TUSC3: variants seen among roughly 807,000 people sequenced by gnomAD.
TUSC3 encodes the protein tumor suppressor candidate 3.
TUSC3 carries 45 observed loss-of-function variants against 44.8 expected under a neutral mutation model. The ratio of observed to expected loss-of-function variants is 1.00; its 90% CI spans 0.79 to 1.29. TUSC3 has a LOEUF of 1.29. Ranked by LOEUF, TUSC3 falls within the 50% of genes most tolerant of loss-of-function variation. The pLI is 0.00. For synonymous variants in TUSC3, 212 were observed against 152.9 expected (o/e 1.39, Z -2.85); for missense variants, 519 against 437.9 (o/e 1.19, Z -1.65).
intron 1 of TUSC3, among the ~76,000 whole-genome samples, chr8:15,455,372 T>C (rs1488548954): frequency 1.3e-5 from 2 of 152,140 alleles, no homozygotes; most frequent in Non-Finnish European, 2.9e-5. Flanking sequence ...CCATCATGTA[T>C]ATGTATGTAT....
In TUSC3 at chr8:15,446,031, G is replaced by A. The variant is rs113410878; in HGVS notation, n.91+28726G>A. Among the ~76,000 whole-genome samples the A allele has an allele frequency of 1.1e-4, 16 of 150,724 alleles. No individual in the cohort carries two copies. The South Asian group carries it at 1.9e-3, about 18-fold the overall frequency. On this transcript the variant is annotated intron_variant and non_coding_transcript_variant, in intron 1 of 5. Coordinates refer to the TUSC3 transcript ENST00000503191. ...CAGACGGGCCGGCTGCCGGGCGGAG[G>A]GGCTCCTCACTTCTCAGAAGGGGTG...
At chr8:15,429,722 A>G (rs996392828) in intron 1 of TUSC3, among the ~76,000 whole-genome samples, 1 of 151,628 alleles carries the variant, frequency 6.6e-6, no homozygotes, top group Non-Finnish European at 1.5e-5. Flanking sequence ...TAGGTATTTT[A>G]TTCTCTTTGA....
intron 6 of TUSC3, among the ~76,000 whole-genome samples, chr8:15,680,109 T>C (rs1418994381): frequency 3.3e-5 from 5 of 150,866 alleles, no homozygotes; most frequent in Admixed American, 1.3e-4. Flanking sequence ...CTTTTTTTTT[T>C]CTAGTTCTGT....
intron 1 of TUSC3, among the ~76,000 whole-genome samples, chr8:15,445,932 G>T (rs1306047408): frequency 6.6e-6 from 1 of 150,896 alleles, no homozygotes; most frequent in Non-Finnish European, 1.5e-5. Flanking sequence ...TCCGGACGGG[G>T]CGGCTGGCCG....
chr8:15,425,657 G>A (rs1176316799), intron 1 of TUSC3, among the ~76,000 whole-genome samples: 1 of 152,182 alleles, frequency 6.6e-6, no homozygotes, highest in Non-Finnish European at 1.5e-5. Flanking sequence ...GCAGTATGCC[G>A]AGGACCAATG....
At chr8:15,443,861 T>A (rs1800055675) in intron 1 of TUSC3, among the ~76,000 whole-genome samples, 1 of 151,952 alleles carries the variant, frequency 6.6e-6, no homozygotes, top group African/African-American at 2.4e-5. Flanking sequence ...ACGGATAAAC[T>A]GGCTCACCTG....
intron 1 of TUSC3, among the ~76,000 whole-genome samples, chr8:15,417,615 G>C (rs73665404): frequency 2.0e-5 from 3 of 152,224 alleles, no homozygotes; most frequent in African/African-American, 7.2e-5. Flanking sequence ...ACGTTGTAAA[G>C]AAGGAGTTAG....
intron 6 of TUSC3, among the ~76,000 whole-genome samples, chr8:15,697,336 G>C (rs905304931): frequency 6.6e-6 from 1 of 152,088 alleles, no homozygotes. Context: ...GGTTTGGTTT[G>C]TTCTTGTTTC....
chr8:15,810,692 A>G, the TUSC3 span, among the ~76,000 whole-genome samples: 1 of 152,108 alleles, frequency 6.6e-6, no homozygotes, highest in Non-Finnish European at 1.5e-5. Context: ...CCCCAAATAT[A>G]TTTCTTTGAC....
chr8:15,478,562 A>G (rs941817483), intron 1 of TUSC3, among the ~76,000 whole-genome samples: 5 of 152,172 alleles, frequency 3.3e-5, no homozygotes, highest in African/African-American at 1.2e-4. Flanking sequence ...TTTGCTGAGG[A>G]CAATGGCTTC....
intron 1 of TUSC3, among the ~76,000 whole-genome samples, chr8:15,569,992 G>C (rs1802812228): frequency 6.6e-6 from 1 of 151,844 alleles, no homozygotes; most frequent in Non-Finnish European, 1.5e-5. Context: ...AAAATAAATA[G>C]GTTTATTTGT....
intron 1 of TUSC3, among the ~76,000 whole-genome samples, chr8:15,465,433 C>G (rs899223043): frequency 1.3e-5 from 2 of 152,146 alleles, no homozygotes; most frequent in African/African-American, 4.8e-5. Flanking sequence ...GGTCCACAAT[C>G]TCATGAAGAA....
intron 2 of TUSC3, among the ~76,000 whole-genome samples, chr8:15,642,866 A>G (rs1480836567): frequency 2.0e-5 from 3 of 152,204 alleles, no homozygotes; most frequent in African/African-American, 7.2e-5. Context: ...ACCTCTTCCA[A>G]ACATTGAATT....
intron 1 of TUSC3, among the ~76,000 whole-genome samples, chr8:15,568,889 C>G (rs1402936845): frequency 6.7e-6 from 1 of 149,240 alleles, no homozygotes; most frequent in East Asian, 2.0e-4. Context: ...TTTTTTTTTC[C>G]TCATATTTCA....
chr8:15,475,245 T>C (rs1239883005), intron 1 of TUSC3, among the ~76,000 whole-genome samples: 1 of 152,120 alleles, frequency 6.6e-6, no homozygotes, highest in African/African-American at 2.4e-5. Context: ...CCTAGAGACA[T>C]AGAGAAACTT....
At chr8:15,588,512 C>G (rs1373735175) in intron 1 of TUSC3, among the ~76,000 whole-genome samples, 1 of 152,108 alleles carries the variant, frequency 6.6e-6, no homozygotes, top group Non-Finnish European at 1.5e-5. Flanking sequence ...TATGGGCTGT[C>G]TCTTCACTCT....
chr8:15,833,756 G>T, the TUSC3 span, among the ~76,000 whole-genome samples: 2 of 151,910 alleles, frequency 1.3e-5, 1 homozygote, highest in South Asian at 4.1e-4. Flanking sequence ...TAATACCCGG[G>T]TGACAAAACA....
chr8:15,476,464 A>T (rs1400330811), intron 1 of TUSC3, among the ~76,000 whole-genome samples: 1 of 152,074 alleles, frequency 6.6e-6, no homozygotes, highest in Non-Finnish European at 1.5e-5. Context: ...AAAGTCAGTA[A>T]ATTCTCAGAT....
At chr8:15,624,818 C>T (rs968208000) in intron 2 of TUSC3, among the ~76,000 whole-genome samples, 2 of 151,994 alleles carry the variant, frequency 1.3e-5, no homozygotes, top group African/African-American at 4.8e-5. Context: ...TTAGCTTATC[C>T]ATTTAAAATT....
Sources: gnomAD v4.1 joint callset for allele counts (sites outside exome capture counted in the v4.1 genomes callset) on GRCh38, gnomAD v4.1.1 for gene constraint, MANE v1.5 for transcripts, NCBI Gene and HGNC (gene_info 2026-07-23, HGNC 2026-07-21) for gene names.